Variants in CTNNA3 observed in about 807,000 individuals in gnomAD.
CTNNA3 encodes the protein catenin alpha 3, also known as catenin alpha-3.
In CTNNA3, 76 loss-of-function variants were observed where a neutral mutation model predicts 95.7. That is an observed-to-expected ratio of 0.79 (90% CI 0.66 to 0.96). The LOEUF is 0.96. CTNNA3 is among the 40% of genes least tolerant of loss of function. CTNNA3 has a pLI of 0.00. For missense variants in CTNNA3, 1,191 were observed against 1,089.8 expected (o/e 1.09, Z -1.31); for synonymous variants, 431 against 374.4 (o/e 1.15, Z -1.74).
At chr10:66,890,375 C>CAA (rs760880098) in intron 7 of CTNNA3, among the ~76,000 whole-genome samples, 46 of 119,478 alleles carry the variant, frequency 3.9e-4, no homozygotes, top group Non-Finnish European at 2.9e-4. Context: ...ATTTCAGAAT[C>CAA]AAAAAAAAAA....
chr10:66,780,767 T>C (rs1840502226), intron 7 of CTNNA3, among the ~76,000 whole-genome samples: 1 of 152,204 alleles, frequency 6.6e-6, no homozygotes, highest in Non-Finnish European at 1.5e-5. Flanking sequence ...TCAACAGTTA[T>C]TTGTTAAATA....
intron 4 of CTNNA3, among the ~76,000 whole-genome samples, chr10:67,528,133 A>G (rs1413910684): frequency 2.0e-5 from 3 of 152,250 alleles, no homozygotes; most frequent in Non-Finnish European, 4.4e-5. Context: ...ATAATGTAAA[A>G]AAGACTGCAT....
At chr10:67,750,967 C>A in intron 1 of CTNNA3, 2 of 1,599,190 alleles carry the variant, frequency 1.3e-6, no homozygotes, top group South Asian at 1.1e-5. Context: ...CCCTTCCCTG[C>A]TGGAGGATCC....
At chr10:66,543,907 GTGTGTATATATATA>G (rs1248210176) in intron 10 of CTNNA3, among the ~76,000 whole-genome samples, 515 of 28,974 alleles carry the variant, frequency 0.018, 8 homozygotes, top group African/African-American at 0.033. Flanking sequence ...AGATGTGTGT[GTGTGTATATATATA>G]TATATATATA....
intron 13 of CTNNA3, among the ~76,000 whole-genome samples, chr10:66,191,616 G>GA (rs35947838): frequency 1.1e-3 from 161 of 145,592 alleles, no homozygotes; most frequent in Admixed American, 2.8e-3. Context: ...TGTATGACTT[G>GA]AAAAAAAAAA....
At chr10:67,526,615 T>C (rs548716397) in intron 4 of CTNNA3, among the ~76,000 whole-genome samples, 2 of 152,220 alleles carry the variant, frequency 1.3e-5, no homozygotes, top group African/African-American at 4.8e-5. Flanking sequence ...GTGAAATCAG[T>C]TGAGGAAAAA....
chr10:67,364,942 G>T (rs538422117), intron 5 of CTNNA3, among the ~76,000 whole-genome samples: 1 of 152,218 alleles, frequency 6.6e-6, no homozygotes, highest in East Asian at 1.9e-4. Context: ...AAAGAACAAA[G>T]TTGGAGGCAT....
intron 12 of CTNNA3, among the ~76,000 whole-genome samples, chr10:66,351,034 T>C (rs1403182250): frequency 6.6e-6 from 1 of 152,082 alleles, no homozygotes; most frequent in African/African-American, 2.4e-5. Flanking sequence ...GGAAAGATCA[T>C]TATTTTCTTT....
At chr10:66,147,920 G>A (rs1307488877) in intron 13 of CTNNA3, among the ~76,000 whole-genome samples, 1 of 151,158 alleles carries the variant, frequency 6.6e-6, no homozygotes, top group East Asian at 1.9e-4. Context: ...TATAGAGACT[G>A]CTAGTTTATT....
chr10:67,014,098 T>C (rs1022514790), intron 7 of CTNNA3, among the ~76,000 whole-genome samples: 2 of 152,216 alleles, frequency 1.3e-5, no homozygotes, highest in African/African-American at 2.4e-5. Flanking sequence ...CATTAGTTTG[T>C]ATTTTGGTTC....
intron 7 of CTNNA3, among the ~76,000 whole-genome samples, chr10:66,992,587 A>G (rs1042721880): frequency 1.3e-5 from 2 of 151,948 alleles, no homozygotes; most frequent in Non-Finnish European, 1.5e-5. Flanking sequence ...TAAATGTATC[A>G]GTCTTTTCAT....
At position 67,721,955 on chromosome 10, in the gene CTNNA3, T is replaced by A. The variant is rs1302261623; in HGVS notation, c.-2+41479A>T. On this transcript the variant is annotated intron_variant, in intron 1 of 17. Coordinates refer to the CTNNA3 transcript ENST00000684154. ...CTGCTGGAGTTTGCTGGAGGTCCAC[T>A]CCAGACTCTGCTTGCCTGGGTATCA... is the stretch of plus-strand genomic sequence containing the variant. Among the ~76,000 whole-genome samples the A allele has an allele frequency of 3.3e-5, 5 of 152,144 alleles. No homozygotes were observed. The South Asian group carries it at 6.2e-4, about 19-fold the overall frequency.
chr10:67,701,705 A>G (rs951375016), intron 1 of CTNNA3, among the ~76,000 whole-genome samples: 1 of 152,216 alleles, frequency 6.6e-6, no homozygotes, highest in African/African-American at 2.4e-5. Flanking sequence ...GGCTAGGAAG[A>G]AACTGCATCA....
chr10:66,158,791 T>C (rs2084688162), intron 13 of CTNNA3, among the ~76,000 whole-genome samples: 1 of 152,164 alleles, frequency 6.6e-6, no homozygotes, highest in South Asian at 2.1e-4. Flanking sequence ...ATAGGACATG[T>C]TTCCATTTCT....
chr10:66,611,715 T>A (rs1844336534), intron 10 of CTNNA3, among the ~76,000 whole-genome samples: 1 of 152,180 alleles, frequency 6.6e-6, no homozygotes, highest in Non-Finnish European at 1.5e-5. Context: ...TCTTTGCTGA[T>A]CACTGTGCTG....
intron 7 of CTNNA3, among the ~76,000 whole-genome samples, chr10:66,812,982 G>C (rs1841941004): frequency 6.6e-6 from 1 of 152,052 alleles, no homozygotes; most frequent in African/African-American, 2.4e-5. Context: ...ATTTTTGTCT[G>C]TTCCTTGAAT....
At chr10:67,704,145 G>A (rs1047084580) in intron 1 of CTNNA3, among the ~76,000 whole-genome samples, 49 of 152,122 alleles carry the variant, frequency 3.2e-4, no homozygotes, top group African/African-American at 1.1e-3. Context: ...ACAAATGGAA[G>A]AACATTCCAT....
intron 7 of CTNNA3, among the ~76,000 whole-genome samples, chr10:67,128,023 A>T (rs538274527): frequency 1.7e-4 from 26 of 152,212 alleles, no homozygotes; most frequent in Admixed American, 1.6e-3. Context: ...GACACTAACC[A>T]ATAGCTCAAG....
At chr10:67,561,620 C>A (rs1841511465) in intron 3 of CTNNA3, among the ~76,000 whole-genome samples, 1 of 146,944 alleles carries the variant, frequency 6.8e-6, no homozygotes. Flanking sequence ...TAGCAGAAAG[C>A]AAGAAATAAC....
Sources: allele counts gnomAD v4.1 joint callset (sites outside exome capture counted in the v4.1 genomes callset), GRCh38; gene constraint gnomAD v4.1.1; transcripts MANE v1.5; gene names NCBI Gene and HGNC (gene_info 2026-07-23, HGNC 2026-07-21).